The following TP63 variants were observed in gnomAD, a reference collection of about 807,000 sequenced individuals.
TP63 encodes tumor protein 63.
In TP63, 17 loss-of-function variants were observed where a neutral mutation model predicts 82.8. The ratio of observed to expected loss-of-function variants is 0.21; its 90% CI spans 0.14 to 0.31. The LOEUF is 0.31. Among genes scored for constraint, TP63 ranks in the 10% least tolerant of loss-of-function variants. The probability of loss-of-function intolerance (pLI) is 1.00; values close to 1 mark genes in which losing one functional copy is unlikely to be tolerated. For missense variants in TP63, 648 were observed against 895.3 expected (o/e 0.72, Z 3.52); for synonymous variants, 330 against 321.7 (o/e 1.03, Z -0.28).
intron 1 of TP63, among the ~76,000 whole-genome samples, chr3:189,701,559 A>G (rs905245936): frequency 6.8e-6 from 1 of 147,970 alleles, no homozygotes; most frequent in African/African-American, 2.5e-5. Flanking sequence ...AATTTTATAT[A>G]TATGTTATAT....
chr3:189,634,263 T>C (rs944840873), intron 1 of TP63, among the ~76,000 whole-genome samples: 7 of 152,054 alleles, frequency 4.6e-5, no homozygotes, highest in Non-Finnish European at 8.8e-5. Flanking sequence ...AAAGAAGTCA[T>C]GAAAGATAAT....
intron 3 of TP63, among the ~76,000 whole-genome samples, chr3:189,755,926 G>A (rs1278591082): frequency 1.3e-5 from 2 of 152,266 alleles, no homozygotes; most frequent in South Asian, 2.1e-4. Context: ...TCTATGGAAG[G>A]GATAGTAGTT....
At chr3:189,781,931 A>G (rs1338259418) in intron 3 of TP63, among the ~76,000 whole-genome samples, 1 of 152,190 alleles carries the variant, frequency 6.6e-6, no homozygotes, top group African/African-American at 2.4e-5. Context: ...GCCATCTCCA[A>G]GGAGAGTAGG....
At chr3:189,628,342 G>T (rs911897098), upstream of TP63, among the ~76,000 whole-genome samples, 9 of 152,142 alleles carry the variant, frequency 5.9e-5, no homozygotes, top group Admixed American at 3.3e-4. Flanking sequence ...ATGCAACCTA[G>T]AGGAAAGTGC....
chr3:189,716,860 G>A (rs914775946), intron 1 of TP63, among the ~76,000 whole-genome samples: 4 of 151,542 alleles, frequency 2.6e-5, no homozygotes, highest in Admixed American at 1.3e-4. Flanking sequence ...GTGCAGTGGC[G>A]CAATCTCGGC....
intron 10 of TP63, chr3:189,881,508 T>C: frequency 1.0e-6 from 1 of 985,396 alleles, no homozygotes; most frequent in Non-Finnish European, 1.2e-6. Flanking sequence ...CTTGCAGTTT[T>C]TTTGTTTCTG....
intron 3 of TP63, among the ~76,000 whole-genome samples, chr3:189,743,281 A>G (rs1029460941): frequency 6.6e-6 from 1 of 152,192 alleles, no homozygotes; most frequent in East Asian, 1.9e-4. Flanking sequence ...TATCTTTCTG[A>G]TCAGCAAAAA....
chr3:189,737,950 T>C (rs1386643553), intron 2 of TP63, 82 bp downstream of exon 2: 12 of 1,549,436 alleles, frequency 7.7e-6, no homozygotes, highest in African/African-American at 2.7e-5. Context: ...TACTAGGGCA[T>C]GTTTTTTCTA....
At chr3:189,784,984 T>C (rs1724488188) in intron 3 of TP63, among the ~76,000 whole-genome samples, 1 of 152,044 alleles carries the variant, frequency 6.6e-6, no homozygotes, top group Admixed American at 6.6e-5. Context: ...TCTCATTGGT[T>C]TTGTTCTGCA....
rs148624580 is a variant in TP63 at position 189,696,669 on chromosome 3, T to G, written c.63-41071T>G. On this transcript the variant is annotated intron_variant, in intron 1 of 13. Coordinates refer to ENST00000264731, the MANE Select transcript of TP63 (RefSeq NM_003722.5). ...TACAATTTTGCATTCTCACCAGCAA[T>G]GAATTAGAGTCCTTCTGGCCCCACA... is the stretch of plus-strand genomic sequence containing the variant. 4.8e-3 allele frequency among the ~76,000 whole-genome samples: 734 copies of G among 152,282 alleles called. 5 individuals carry two copies. Among genetic ancestry groups the G allele is most frequent in the African/African-American group, 0.016 (677 of 41,580 alleles).
chr3:189,795,770 A>T (rs905990035), intron 3 of TP63, among the ~76,000 whole-genome samples: 1 of 152,080 alleles, frequency 6.6e-6, no homozygotes, highest in Non-Finnish European at 1.5e-5. Flanking sequence ...ACCAGTGTTC[A>T]GAATTCGAGA....
intron 1 of TP63, among the ~76,000 whole-genome samples, chr3:189,639,004 C>G (rs1711570504): frequency 6.6e-6 from 1 of 152,144 alleles, no homozygotes; most frequent in Non-Finnish European, 1.5e-5. Flanking sequence ...CACATTCTCA[C>G]TTTATTTCAA....
chr3:189,687,494 T>C (rs1442587887), intron 1 of TP63, among the ~76,000 whole-genome samples: 2 of 152,188 alleles, frequency 1.3e-5, no homozygotes, highest in African/African-American at 4.8e-5. Context: ...AAGTCTTACC[T>C]CCTTTGTAAA....
At chr3:189,597,527 T>G in the TP63 span, among the ~76,000 whole-genome samples, 1 of 152,100 alleles carries the variant, frequency 6.6e-6, no homozygotes, top group Admixed American at 6.5e-5. Flanking sequence ...AATGACAAAA[T>G]GTGGTAAAAA....
chr3:189,620,405 G>A, the TP63 span, among the ~76,000 whole-genome samples: 1 of 151,848 alleles, frequency 6.6e-6, no homozygotes, highest in African/African-American at 2.4e-5. Flanking sequence ...AGCTTCTCGG[G>A]AGGCTGAGGC....
intron 3 of TP63, among the ~76,000 whole-genome samples, chr3:189,766,750 T>C (rs1349184435): frequency 6.6e-6 from 1 of 152,200 alleles, no homozygotes; most frequent in Non-Finnish European, 1.5e-5. Context: ...TAAAATCTTT[T>C]CTCTGGTTTA....
intron 13 of TP63, 71 bp downstream of exon 13, chr3:189,890,953 G>T: frequency 6.9e-7 from 1 of 1,454,418 alleles, no homozygotes; most frequent in Non-Finnish European, 9.6e-7. Context: ...CCGCCTTGTA[G>T]TTCAATCCCT....
chr3:189,759,761 C>G (rs188864654), intron 3 of TP63, among the ~76,000 whole-genome samples: 6 of 152,264 alleles, frequency 3.9e-5, no homozygotes, highest in Admixed American at 2.6e-4. Context: ...TCATAGGTGA[C>G]CACCCTCAGA....
intron 3 of TP63, among the ~76,000 whole-genome samples, chr3:189,767,433 C>T (rs924151891): frequency 2.0e-5 from 3 of 152,110 alleles, no homozygotes; most frequent in Non-Finnish European, 2.9e-5. Flanking sequence ...ATTTATGCAG[C>T]GGAATCAGGA....
Sources: allele counts gnomAD v4.1 joint callset (sites outside exome capture counted in the v4.1 genomes callset), GRCh38; gene constraint gnomAD v4.1.1; transcripts MANE v1.5; gene names NCBI Gene and HGNC (gene_info 2026-07-23, HGNC 2026-07-21).